ZBTB20: variants seen among roughly 807,000 people sequenced by gnomAD.
ZBTB20 encodes zinc finger and BTB domain containing 20, also known as zinc finger and BTB domain-containing protein 20.
ZBTB20 carries 9 observed loss-of-function variants against 56.9 expected under a neutral mutation model. The ratio of observed to expected loss-of-function variants is 0.16; its 90% confidence interval spans 0.10 to 0.28. The LOEUF (loss-of-function observed/expected upper bound fraction) is 0.28. Ranked by LOEUF, ZBTB20 falls within the 10% of genes least tolerant of loss-of-function variation. The pLI, the probability that ZBTB20 is intolerant of heterozygous loss-of-function variation, is 1.00. For missense variants in ZBTB20, 655 were observed against 1,003.0 expected (o/e 0.65, Z 4.69); for synonymous variants, 417 against 420.7 (o/e 0.99, Z 0.11).
chr3:114,494,144 G>A (rs977205989), intron 7 of ZBTB20, among the ~76,000 whole-genome samples: 1 of 152,208 alleles, frequency 6.6e-6, no homozygotes, highest in African/African-American at 2.4e-5. Context: ...AGTATCTAAA[G>A]CAAGGCAAGC....
At chr3:114,777,345 A>T (rs1295731353) in intron 5 of ZBTB20, among the ~76,000 whole-genome samples, 1 of 152,178 alleles carries the variant, frequency 6.6e-6, no homozygotes, top group Non-Finnish European at 1.5e-5. Flanking sequence ...TCTCTACTAA[A>T]AATACAAAAT....
At chr3:114,840,287 A>G (rs2074327388) in intron 4 of ZBTB20, among the ~76,000 whole-genome samples, 1 of 152,246 alleles carries the variant, frequency 6.6e-6, no homozygotes, top group Non-Finnish European at 1.5e-5. Context: ...ACGCATGTGC[A>G]ACATGTCTAC....
chr3:115,139,270 T>C (rs956272574), intron 1 of ZBTB20, among the ~76,000 whole-genome samples: 2 of 152,042 alleles, frequency 1.3e-5, no homozygotes, highest in Non-Finnish European at 2.9e-5. Context: ...TAATGTTAGA[T>C]AGCTTTAAGC....
rs779114107 is a variant in ZBTB20, at chr3:114,707,040, C to T, written c.-342-13465G>A. ...ACCCACATTCACACACACTGAAAAG[C>T]GAACAAAAAGCCCAGGGTGCAGCAT... is the stretch of plus-strand genomic sequence containing the variant. On this transcript the variant is annotated intron_variant, in intron 5 of 11. Coordinates refer to ENST00000675478, the MANE Select transcript of ZBTB20 (RefSeq NM_001348800.3). Among the ~76,000 whole-genome samples the T allele has an allele frequency of 2.5e-4, 38 of 152,004 alleles. 1 individual carries two copies. The highest frequency in any genetic ancestry group is 2.3e-3 in the Admixed American group (35 of 15,238).
intron 4 of ZBTB20, among the ~76,000 whole-genome samples, chr3:114,814,641 T>C (rs2072791359): frequency 6.6e-6 from 1 of 152,224 alleles, no homozygotes; most frequent in African/African-American, 2.4e-5. Flanking sequence ...ACTAACCACC[T>C]CTTTGCTAAG....
intron 3 of ZBTB20, among the ~76,000 whole-genome samples, chr3:114,964,410 G>A (rs2077567723): frequency 6.6e-6 from 1 of 152,088 alleles, no homozygotes; most frequent in South Asian, 2.1e-4. Context: ...GTGCGAGTCT[G>A]TCTCAAAAAG....
chr3:115,114,023 T>C (rs1199783247), intron 1 of ZBTB20, among the ~76,000 whole-genome samples: 2 of 152,018 alleles, frequency 1.3e-5, no homozygotes, highest in Admixed American at 6.6e-5. Context: ...ATTACTACAA[T>C]ACATACATTA....
chr3:114,823,686 T>G (rs532265688), intron 4 of ZBTB20, among the ~76,000 whole-genome samples: 1 of 152,096 alleles, frequency 6.6e-6, no homozygotes, highest in African/African-American at 2.4e-5. Flanking sequence ...AGTGCAGTTG[T>G]TGTACTATAT....
At chr3:115,089,952 A>G (rs2083126839) in intron 1 of ZBTB20, among the ~76,000 whole-genome samples, 1 of 151,854 alleles carries the variant, frequency 6.6e-6, no homozygotes, top group Admixed American at 6.6e-5. Context: ...AGAGATGAGG[A>G]TAAATTCAGG....
chr3:114,959,971 G>A (rs58677758), intron 3 of ZBTB20, among the ~76,000 whole-genome samples: 13,918 of 152,168 alleles, frequency 0.091, 1,865 homozygotes, highest in African/African-American at 0.29. Flanking sequence ...GATTGGCAAT[G>A]TGGCCAAATT....
At chr3:114,508,001 A>T (rs186537597) in intron 6 of ZBTB20, among the ~76,000 whole-genome samples, 7 of 152,312 alleles carry the variant, frequency 4.6e-5, no homozygotes, top group Middle Eastern at 3.4e-3. Flanking sequence ...AGAGTAAAAC[A>T]GTCTAACAAT....
chr3:114,647,020 G>A (rs750170732), intron 6 of ZBTB20, among the ~76,000 whole-genome samples: 48 of 151,748 alleles, frequency 3.2e-4, no homozygotes, highest in South Asian at 6.3e-4. Context: ...GTGCAGTGGC[G>A]CGATCTTGGC....
At chr3:114,557,791 T>C (rs1367699065) in intron 6 of ZBTB20, among the ~76,000 whole-genome samples, 1 of 151,672 alleles carries the variant, frequency 6.6e-6, no homozygotes, top group Admixed American at 6.6e-5. Flanking sequence ...GATTGAGAAA[T>C]GATTAAGATA....
chr3:114,507,346 G>A (rs2044753352), intron 6 of ZBTB20, among the ~76,000 whole-genome samples: 1 of 152,076 alleles, frequency 6.6e-6, no homozygotes, highest in Non-Finnish European at 1.5e-5. Flanking sequence ...TTTAAAAATA[G>A]TCCCCTTTGC....
rs188666036 is a variant in ZBTB20, at chr3:114,351,377, C to T, written c.701G>A (p.Ser234Asn). 75 of 1,611,598 alleles carry T rather than the reference C, an allele frequency of 4.7e-5. 1 individual carries two copies. In the Admixed American group the frequency reaches 7.7e-4, roughly 16 times the overall value. Residue 234 changes from serine (S) to asparagine (N), a missense_variant, in exon 11 of 12, where the codon AGC becomes AAC. Coordinates refer to ENST00000675478, the MANE Select transcript of ZBTB20 (RefSeq NM_001348800.3). ...CCTGTCCACGCTGTGCTGTGGGTGG[C>T]TCTGCAGGTAGCCCGACTCCGTGTC... ...SSDTESGYLQSHPQHSVDRIY... is the reference protein window; with the variant it reads ...SSDTESGYLQNHPQHSVDRIY...
At chr3:114,770,072 T>A (rs1226063691) in intron 5 of ZBTB20, among the ~76,000 whole-genome samples, 1 of 144,886 alleles carries the variant, frequency 6.9e-6, no homozygotes, top group African/African-American at 2.6e-5. Context: ...AAAACAAGAA[T>A]GATGCAATGG....
chr3:115,142,285 G>A (rs933663730), intron 1 of ZBTB20, among the ~76,000 whole-genome samples: 11 of 151,968 alleles, frequency 7.2e-5, no homozygotes, highest in Admixed American at 6.6e-4. Flanking sequence ...AACACACATC[G>A]ATCAACCATC....
At chr3:114,899,016 C>A (rs1017886901) in intron 4 of ZBTB20, among the ~76,000 whole-genome samples, 1 of 151,820 alleles carries the variant, frequency 6.6e-6, no homozygotes, top group East Asian at 1.9e-4. Flanking sequence ...TTGTCTATAT[C>A]AAAAATATAG....
At chr3:114,848,898 C>T (rs190737258) in intron 4 of ZBTB20, among the ~76,000 whole-genome samples, 19 of 152,278 alleles carry the variant, frequency 1.2e-4, no homozygotes, top group Non-Finnish European at 2.5e-4. Context: ...GGATAATGTG[C>T]TACTATCACA....
Sources: allele counts gnomAD v4.1 joint callset (sites outside exome capture counted in the v4.1 genomes callset), GRCh38; gene constraint gnomAD v4.1.1; transcripts MANE v1.5; gene names NCBI Gene and HGNC (gene_info 2026-07-23, HGNC 2026-07-21).